The following CEP68 variants were observed in gnomAD, a reference collection of about 807,000 sequenced individuals.
The protein encoded by CEP68 is centrosomal protein of 68 kDa.
CEP68 carries 26 observed loss-of-function variants against 55.3 expected under a neutral mutation model. The ratio of observed to expected loss-of-function variants is 0.47; its 90% CI spans 0.34 to 0.65. CEP68 has a LOEUF of 0.65. Among genes scored for constraint, CEP68 ranks in the 30% least tolerant of loss-of-function variants. The pLI, the probability that CEP68 is intolerant of heterozygous loss-of-function variation, is 0.01. For synonymous variants in CEP68, 402 were observed against 383.2 expected (o/e 1.05, Z -0.57); for missense variants, 957 against 946.7 (o/e 1.01, Z -0.14).
At chr2:65,075,342 A>G (rs1676712147) in intron 4 of CEP68, 2 of 152,040 alleles carry the variant, frequency 1.3e-5, no homozygotes, top group Non-Finnish European at 2.9e-5. Flanking sequence ...GGCAGAGGCT[A>G]CAGTGAGCCA....
chr2:65,071,621 C>G lies in CEP68; in HGVS notation c.525C>G (p.Leu175=). The G allele has an allele frequency of 6.2e-7, 1 of 1,614,212 alleles. No homozygotes were observed. Among genetic ancestry groups the G allele is most frequent in the South Asian group, 1.1e-5 (1 of 91,088 alleles). ...DLSQQPHSSG[L]SCLSQWKSVL... The stretch of plus-strand genomic sequence containing the variant: ...GCCAGCAGCCTCACAGCTCAGGTCT[C>G]TCTTGCCTGTCACAGTGGAAGTCCG... The change falls in exon 3 of 7, where the codon CTC becomes CTG. Residue 175 remains leucine, a synonymous_variant. Transcript: ENST00000377990.
At chr2:65,076,527 G>A (rs968644728) in intron 4 of CEP68, among the ~76,000 whole-genome samples, 6 of 152,222 alleles carry the variant, frequency 3.9e-5, no homozygotes, top group African/African-American at 1.2e-4. Context: ...TGGCTCATGC[G>A]TATGTGTGTG....
In CEP68 at chr2:65,072,854, G is replaced by A. The variant is rs141305652; in HGVS notation, c.1758G>A (p.Leu586=). Residue 586 remains leucine (L), a synonymous_variant, in exon 3 of 7, where the codon CTG becomes CTA. Coordinates refer to ENST00000377990, the MANE Select transcript of CEP68 (RefSeq NM_015147.3). ...AGGCCCTCGGGGTCTCCTCTGGACT[G>A]CTGAAAACACGCCCCTCCTTGCCAG... is the stretch of plus-strand genomic sequence containing the variant. The part of the protein sequence containing the change: ...SSQALGVSSG[L]LKTRPSLPAR... 3,711 of 1,614,200 alleles carry A rather than the reference G, an allele frequency of 2.3e-3. 11 individuals are homozygous for A. The highest frequency in any genetic ancestry group is 2.9e-3 in the South Asian group (267 of 91,088).
intron 1 of CEP68, among the ~76,000 whole-genome samples, chr2:65,062,052 G>A (rs1675935435): frequency 6.6e-6 from 1 of 152,178 alleles, no homozygotes; most frequent in South Asian, 2.1e-4. Context: ...TTATTCCTGT[G>A]GCCTCCTGTG....
In CEP68 at chr2:65,069,690, G is replaced by A. The variant is rs1448948714; in HGVS notation, c.246G>A (p.Gln82=). The change falls in exon 2 of 7, where the codon CAG becomes CAA. Residue 82 remains glutamine (Q), a synonymous_variant. Coordinates refer to ENST00000377990, the MANE Select transcript of CEP68 (RefSeq NM_015147.3). Reference sequence around the variant, plus strand: ...GCCCCTCTAGAGCCCACCAGCCACAGGCCAGTGATGCCAACAGAGAGCCCG... The same window carrying A: ...GCCCCTCTAGAGCCCACCAGCCACAAGCCAGTGATGCCAACAGAGAGCCCG... ...PGGPSRAHQP[Q]ASDANREPVA... is the part of the protein sequence containing the mutation. 1.3e-5 allele frequency: 21 copies of A among 1,614,012 alleles called. No homozygotes were observed. The highest frequency in any genetic ancestry group is 1.8e-5 in the Non-Finnish European group (21 of 1,180,050).
chr2:65,080,946 C>T (rs1166865697), intron 5 of CEP68, among the ~76,000 whole-genome samples: 1 of 151,998 alleles, frequency 6.6e-6, no homozygotes, highest in Admixed American at 6.5e-5. Context: ...TGCGGTGGCT[C>T]ATGCCTGTAA....
intron 5 of CEP68, among the ~76,000 whole-genome samples, chr2:65,078,539 T>C (rs901907475): frequency 1.3e-5 from 2 of 152,098 alleles, no homozygotes; most frequent in Admixed American, 6.5e-5. Context: ...AGCCCCTTTT[T>C]GTTTTGTTTT....
At chr2:65,057,984 A>G (rs553432154) in intron 1 of CEP68, among the ~76,000 whole-genome samples, 29 of 152,272 alleles carry the variant, frequency 1.9e-4, no homozygotes, top group Admixed American at 9.2e-4. Flanking sequence ...CCTCATCCTT[A>G]AAAATGGGAA....
At chr2:65,076,995 CTTT>C (rs573128823) in intron 4 of CEP68, among the ~76,000 whole-genome samples, 1 of 118,278 alleles carries the variant, frequency 8.5e-6, no homozygotes. Flanking sequence ...TTGACTTTAC[CTTT>C]TTTTTTTTTT....
Position 65,077,949 on chromosome 2 carries a change from T to C in CEP68, c.2089T>C (p.Leu697=). 6.2e-7 allele frequency: 1 copy of C among 1,613,514 alleles called. No individual in the cohort carries two copies. The highest frequency in any genetic ancestry group is 8.5e-7 in the Non-Finnish European group (1 of 1,179,476). The change falls in exon 5 of 7, where the codon TTG becomes CTG. Residue 697 remains leucine (L), a synonymous_variant. Transcript: ENST00000377990. ...QKGEILLQCL[L]ENTPVLEDVL... ...GGGGGAGATTCTTCTTCAGTGCCTG[T>C]TGGAGAACACCCCAGGTGAGATGCT... is the stretch of plus-strand genomic sequence containing the variant.
intron 1 of CEP68, among the ~76,000 whole-genome samples, chr2:65,065,787 G>A (rs1188808429): frequency 6.6e-6 from 1 of 151,902 alleles, no homozygotes; most frequent in Non-Finnish European, 1.5e-5. Flanking sequence ...TGGCCAACAT[G>A]GTGAAACCCC....
intron 1 of CEP68, among the ~76,000 whole-genome samples, chr2:65,058,911 C>T (rs1280545084): frequency 2.6e-5 from 4 of 152,038 alleles, no homozygotes; most frequent in Non-Finnish European, 5.9e-5. Context: ...GTCTCACCAC[C>T]AACTAAAGAT....
rs199636840 is a variant in CEP68, at chr2:65,071,515, C to A, written c.419C>A (p.Thr140Lys). The A allele has an allele frequency of 7.9e-6, 10 of 1,263,352 alleles. No individual in the cohort carries two copies. The highest frequency in any genetic ancestry group is 2.2e-5 in the East Asian group (1 of 44,842). The allele number at this position is 1,263,352 out of a possible 1,614,324, so 78.3% of individuals were successfully genotyped here. Residue 140 changes from threonine (T) to lysine (K), a missense_variant, in exon 3 of 7, where the codon ACA becomes AAA. Thr to Lys is a moderately conservative substitution (Grantham distance 78). Coordinates refer to ENST00000377990, the MANE Select transcript of CEP68 (RefSeq NM_015147.3). The part of the protein sequence containing the change: ...EFPQTLSLPR[T>K]TTICSGHDAD... ...CCTCAGACTCTGAGCCTTCCCAGAACAACAACTATTTGCTCAGGACATGAT... is the reference window on the plus strand; with the variant it reads ...CCTCAGACTCTGAGCCTTCCCAGAAAAACAACTATTTGCTCAGGACATGAT...
intron 5 of CEP68, among the ~76,000 whole-genome samples, chr2:65,078,735 G>C (rs1676878935): frequency 6.6e-6 from 1 of 152,158 alleles, no homozygotes; most frequent in Admixed American, 6.5e-5. Context: ...GTACAGATGA[G>C]GTTTCTCCAT....
At chr2:65,074,738 G>A (rs540662213) in intron 4 of CEP68, 2 of 347,542 alleles carry the variant, frequency 5.8e-6, no homozygotes, top group South Asian at 2.3e-5. Context: ...CCAGGAGTTC[G>A]AGTACAGCCT....
In CEP68 at chr2:65,072,339, G is replaced by C; in HGVS notation, c.1243G>C (p.Glu415Gln). 1 of 1,613,974 alleles carries C rather than the reference G, an allele frequency of 6.2e-7. No homozygotes were observed. Residue 415 changes from glutamate to glutamine, a missense_variant, in exon 3 of 7, where the codon GAG becomes CAG. By Grantham distance (29) the Glu-to-Gln change is conservative. Transcript: ENST00000377990. Reference protein sequence around the residue: ...GSRDARWERREPALRGAKDRL... With the variant: ...GSRDARWERRQPALRGAKDRL... ...TAGGGATGCTCGTTGGGAGCGCAGA[G>C]AGCCAGCCCTGAGGGGTGCGAAGGA...
intron 1 of CEP68, among the ~76,000 whole-genome samples, chr2:65,057,856 ATGT>A (rs1456088729): frequency 6.6e-5 from 10 of 152,072 alleles, no homozygotes; most frequent in Admixed American, 6.5e-4. Context: ...GGGTCTTGCC[ATGT>A]TGTCCAGGCT....
intron 3 of CEP68, chr2:65,073,235 A>G (rs1184803515): frequency 9.5e-6 from 5 of 524,236 alleles, no homozygotes; most frequent in Non-Finnish European, 1.8e-5. Context: ...TGAGCCAAGA[A>G]TGAGACCCAG....
chr2:65,060,818 G>T (rs1272011443), intron 1 of CEP68, among the ~76,000 whole-genome samples: 2 of 152,214 alleles, frequency 1.3e-5, no homozygotes, highest in East Asian at 3.9e-4. Context: ...CAGAGAGCTT[G>T]GGGTTGAGGG....
Sources: gnomAD v4.1 joint callset for allele counts (sites outside exome capture counted in the v4.1 genomes callset) on GRCh38, gnomAD v4.1.1 for gene constraint, MANE v1.5 for transcripts, NCBI Gene and HGNC (gene_info 2026-07-23, HGNC 2026-07-21) for gene names.